CNTNAP3: variants seen among roughly 807,000 people sequenced by gnomAD.
CNTNAP3 encodes contactin associated protein family member 3.
CNTNAP3 carries 36 observed loss-of-function variants against 92.1 expected under a neutral mutation model. The ratio of observed to expected loss-of-function variants is 0.39; its 90% CI spans 0.30 to 0.52. The LOEUF is 0.52. Ranked by LOEUF, CNTNAP3 falls within the 20% of genes least tolerant of loss-of-function variation. CNTNAP3 has a pLI of 0.76. For synonymous variants in CNTNAP3, 232 were observed against 422.3 expected (o/e 0.55, Z 5.53); for missense variants, 534 against 1,069.6 (o/e 0.50, Z 6.98).
intron 15 of CNTNAP3, among the ~76,000 whole-genome samples, chr9:39,107,307 G>C (rs1285652476): frequency 6.6e-6 from 1 of 150,708 alleles, no homozygotes; most frequent in African/African-American, 2.4e-5. Flanking sequence ...GGGAGGGAGG[G>C]AGTGGGGAAG....
chr9:39,066,223 A>G lies in CNTNAP3; in HGVS notation c.*7667T>C, dbSNP rs1346993661. Among the ~76,000 whole-genome samples, 2 of 152,246 alleles carry G rather than the reference A, an allele frequency of 1.3e-5. No homozygotes were observed. The highest frequency in any genetic ancestry group is 2.4e-5 in the African/African-American group (1 of 41,456). Reference sequence around the variant, plus strand: ...TTGTAATAGCCAACTTTTAATAGGCATTATACGACTTTACACACAGTCTAA... The same window carrying G: ...TTGTAATAGCCAACTTTTAATAGGCGTTATACGACTTTACACACAGTCTAA... On this transcript the variant is annotated 3_prime_UTR_variant, in exon 24 of 24. Transcript: ENST00000297668.
chr9:39,083,520 G>A (rs534528491), intron 21 of CNTNAP3, among the ~76,000 whole-genome samples: 8 of 151,828 alleles, frequency 5.3e-5, no homozygotes, highest in African/African-American at 7.3e-5. Flanking sequence ...TTAGCCAGGC[G>A]TGGTGGTACA....
At chr9:39,115,372 T>C (rs921524158) in intron 14 of CNTNAP3, among the ~76,000 whole-genome samples, 257 of 152,098 alleles carry the variant, frequency 1.7e-3, no homozygotes, top group African/African-American at 5.8e-3. Flanking sequence ...TTAATCTAAA[T>C]TATTACAATT....
At chr9:39,179,286 T>TACATACAC (rs1554652864) in intron 4 of CNTNAP3, among the ~76,000 whole-genome samples, 4 of 80,724 alleles carry the variant, frequency 5.0e-5, no homozygotes, top group East Asian at 8.2e-4. Context: ...TCTCTCTCTC[T>TACATACAC]ACACACACAC....
At chr9:39,140,764 T>C (rs758934525) in intron 11 of CNTNAP3, 126 bp from the exon 12 acceptor site, 3 of 1,306,764 alleles carry the variant, frequency 2.3e-6, no homozygotes, top group Non-Finnish European at 3.0e-6. Flanking sequence ...TTTGATAGTG[T>C]ATGACAGTAT....
intron 18 of CNTNAP3, among the ~76,000 whole-genome samples, chr9:39,091,982 A>C (rs1166372153): frequency 2.0e-5 from 3 of 151,250 alleles, no homozygotes; most frequent in African/African-American, 7.3e-5. Flanking sequence ...TTTTGTAGTT[A>C]GTGTCATCCT....
chr9:39,115,187 T>G (rs2117945677), intron 14 of CNTNAP3, among the ~76,000 whole-genome samples: 1 of 151,440 alleles, frequency 6.6e-6, no homozygotes, highest in Admixed American at 6.6e-5. Context: ...TTAACAATAC[T>G]GCCTGCCCCA....
intron 13 of CNTNAP3, among the ~76,000 whole-genome samples, chr9:39,127,604 C>T (rs1426864660): frequency 6.6e-6 from 1 of 152,024 alleles, no homozygotes; most frequent in Non-Finnish European, 1.5e-5. Flanking sequence ...ATGCTGGAGA[C>T]ATCAAACAAA....
intron 10 of CNTNAP3, among the ~76,000 whole-genome samples, chr9:39,148,242 C>T (rs1201054165): frequency 6.6e-6 from 1 of 152,072 alleles, no homozygotes; most frequent in Non-Finnish European, 1.5e-5. Context: ...AATTCTTGCA[C>T]TTCATATACT....
chr9:39,133,160 G>C (rs1390226507), intron 12 of CNTNAP3, 25 bp from the exon 13 acceptor site: 39 of 1,560,812 alleles, frequency 2.5e-5, no homozygotes, highest in Non-Finnish European at 3.3e-5. Context: ...GCAAAGGAGA[G>C]GCATCACTGG....
At chr9:39,159,782 T>C (rs1822046532) in intron 9 of CNTNAP3, 1 of 126,848 alleles carries the variant, frequency 7.9e-6, no homozygotes, top group Non-Finnish European at 1.6e-5. Context: ...TGTAAATGGA[T>C]CTGATGGAGG....
Position 39,085,775 on chromosome 9 carries a change from A to C in CNTNAP3, c.3403T>G (p.Phe1135Val). The C allele has an allele frequency of 6.4e-7, 1 of 1,570,216 alleles. No individual in the cohort carries two copies. Among genetic ancestry groups the C allele is most frequent in the Admixed American group, 1.7e-5 (1 of 59,352 alleles). Residue 1135 changes from phenylalanine (F) to valine (V), a missense_variant, in exon 21 of 24, where the codon TTC becomes GTC. Phe to Val is a conservative substitution (Grantham distance 50, BLOSUM62 -1). Coordinates refer to ENST00000297668, the MANE Select transcript of CNTNAP3 (RefSeq NM_033655.5). ...AATATGAGAGATTTGACGGCGTTGA[A>C]TTCTGTCCCTGAGGACAAGATGACT... is the stretch of plus-strand genomic sequence containing the variant. ...KQVILSSGTE[F>V]NAVKSLILGK...
chr9:39,104,477 TACACACACACACACACAC>T (rs60068368), intron 15 of CNTNAP3, among the ~76,000 whole-genome samples: 7 of 123,184 alleles, frequency 5.7e-5, no homozygotes, highest in South Asian at 5.7e-4. Flanking sequence ...CACATACACA[TACACACACACACACACAC>T]ACACACACAC....
chr9:39,146,294 T>C (rs1033470596), intron 10 of CNTNAP3, among the ~76,000 whole-genome samples: 1 of 151,924 alleles, frequency 6.6e-6, no homozygotes, highest in Non-Finnish European at 1.5e-5. Flanking sequence ...GGAGCCCCAG[T>C]TGGAATGCAG....
chr9:39,141,801 C>T (rs1383660695), intron 11 of CNTNAP3, among the ~76,000 whole-genome samples: 1 of 151,972 alleles, frequency 6.6e-6, no homozygotes, highest in African/African-American at 2.4e-5. Flanking sequence ...AGAATTTGTG[C>T]TTTATGTGAA....
At chr9:39,101,326 G>A (rs1826451545) in intron 17 of CNTNAP3, among the ~76,000 whole-genome samples, 1 of 152,022 alleles carries the variant, frequency 6.6e-6, no homozygotes, top group Non-Finnish European at 1.5e-5. Flanking sequence ...CTGTAAATTA[G>A]GTTGGATGAT....
chr9:39,179,286 T>TACACACACACACAC lies in CNTNAP3; in HGVS notation c.539-940_539-927dup, dbSNP rs4057871. ...AATTCCTTAAAACTCTCTCTCTCTC[T>TACACACACACACAC]ACACACACACACACACACACACACA... On this transcript the variant is annotated intron_variant, in intron 4 of 23. Coordinates refer to ENST00000297668, the MANE Select transcript of CNTNAP3 (RefSeq NM_033655.5). Among the ~76,000 whole-genome samples, 594 of 80,722 alleles carry TACACACACACACAC rather than the reference T, an allele frequency of 7.4e-3. 27 individuals carry two copies. Among genetic ancestry groups the TACACACACACACAC allele is most frequent in the East Asian group, 0.02 (48 of 2,424 alleles). 53.0% of individuals were successfully genotyped at this position (80,722 alleles called of 152,430 possible). A position where few individuals can be genotyped will look rare whatever the true frequency, so the allele number is the denominator to read the frequency against.
At chr9:39,119,773 A>G (rs1587717530) in intron 13 of CNTNAP3, among the ~76,000 whole-genome samples, 1 of 152,178 alleles carries the variant, frequency 6.6e-6, no homozygotes, top group South Asian at 2.1e-4. Flanking sequence ...GAATTCTGAA[A>G]GGTAGAAAGA....
intron 14 of CNTNAP3, 191 bp downstream of exon 14, chr9:39,117,912 A>G (rs1820898179): frequency 5.3e-6 from 7 of 1,329,414 alleles, no homozygotes; most frequent in African/African-American, 1.5e-5. Context: ...ATTCACAACG[A>G]ACTAGTAAAT....
Sources: gnomAD v4.1 joint callset for allele counts (sites outside exome capture counted in the v4.1 genomes callset) on GRCh38, gnomAD v4.1.1 for gene constraint, MANE v1.5 for transcripts, NCBI Gene and HGNC (gene_info 2026-07-23, HGNC 2026-07-21) for gene names.